SP110: variants seen among roughly 807,000 people sequenced by gnomAD.
The protein encoded by SP110 is interferon-induced protein 41, 30kD.
Under a neutral mutation model 92.7 loss-of-function variants are expected in SP110, and 62 were observed. The observed-to-expected ratio is 0.67, with a 90% CI of 0.55 to 0.83. SP110 has a LOEUF of 0.83. Ranked by LOEUF, SP110 falls within the 40% of genes least tolerant of loss-of-function variation. SP110 has a pLI of 0.00. For synonymous variants in SP110, 273 were observed against 305.3 expected (o/e 0.89, Z 1.10); for missense variants, 793 against 863.9 (o/e 0.92, Z 1.03).
intron 6 of SP110, among the ~76,000 whole-genome samples, chr2:230,210,425 T>A (rs148855168): frequency 6.6e-6 from 1 of 152,346 alleles, no homozygotes; most frequent in African/African-American, 2.4e-5. Context: ...TGAAATCTGA[T>A]GTCCATGATG....
In SP110 at chr2:230,170,707, C is replaced by A. The variant is rs1408652333; in HGVS notation, c.1942G>T (p.Glu648Ter). 6.2e-7 allele frequency: 1 copy of A among 1,614,138 alleles called. No individual in the cohort carries two copies. Among genetic ancestry groups the A allele is most frequent in the Non-Finnish European group, 8.5e-7 (1 of 1,180,022 alleles). ...QEAMWLDLVK[E>*]RLITEMYTVA... ...GTGTACATTTCCGTAATCAGCCTTTCCTTAACCAGGTCCAACCACATTGCT... is the reference window on the plus strand; with the variant it reads ...GTGTACATTTCCGTAATCAGCCTTTACTTAACCAGGTCCAACCACATTGCT... Residue 648 changes from glutamate (E) to a stop codon, truncating the protein, a stop_gained, in exon 18 of 19, where the codon GAA (glutamate) becomes TAA (stop). Transcript: ENST00000258381. LOFTEE classifies it high-confidence loss of function.
In SP110 at chr2:230,216,765, G is replaced by A. The variant is rs1351806088; in HGVS notation, c.147+16C>T. 4 of 1,613,386 alleles carry A rather than the reference G, an allele frequency of 2.5e-6. No homozygotes were observed. The highest frequency in any genetic ancestry group is 1.7e-4 in the Middle Eastern group (1 of 5,924). On this transcript the variant is annotated intron_variant, in intron 2 of 18. Coordinates refer to ENST00000258381, the MANE Select transcript of SP110 (RefSeq NM_080424.4). ...GTGGGGGCTGGGCTGCCATGGAAGGGTTCAACATGACTCACCATGTACATT... is the reference window on the plus strand; with the variant it reads ...GTGGGGGCTGGGCTGCCATGGAAGGATTCAACATGACTCACCATGTACATT...
At chr2:230,200,449 A>T (rs999614709) in intron 10 of SP110, 1 of 186,220 alleles carries the variant, frequency 5.4e-6, no homozygotes, top group Non-Finnish European at 1.1e-5. Flanking sequence ...TTCGCTTCTC[A>T]ATTTTCTCAG....
At chr2:230,209,303 C>CAG (rs2148903525) in intron 7 of SP110, among the ~76,000 whole-genome samples, 1 of 151,716 alleles carries the variant, frequency 6.6e-6, no homozygotes, top group South Asian at 2.1e-4. Context: ...TTTGAGGGGC[C>CAG]AGAGTATTGG....
At chr2:230,209,067 T>A (rs1333927611) in intron 7 of SP110, among the ~76,000 whole-genome samples, 3 of 152,228 alleles carry the variant, frequency 2.0e-5, no homozygotes, top group African/African-American at 7.2e-5. Context: ...ATATTTTTGA[T>A]TCTTTTTCTT....
chr2:230,208,937 C>G (rs1309867998), intron 7 of SP110, among the ~76,000 whole-genome samples: 1 of 152,058 alleles, frequency 6.6e-6, no homozygotes, highest in Non-Finnish European at 1.5e-5. Flanking sequence ...TGTTAAAAAG[C>G]TGGGAAGCAA....
chr2:230,195,884 T>TG (rs2042849454), intron 10 of SP110, among the ~76,000 whole-genome samples: 3 of 151,990 alleles, frequency 2.0e-5, no homozygotes, highest in Admixed American at 6.5e-5. Context: ...AAGGTTAATA[T>TG]CCTTATTAGA....
intron 2 of SP110, 75 bp from the exon 3 acceptor site, chr2:230,215,193 A>C: frequency 8.2e-7 from 1 of 1,223,470 alleles, no homozygotes. Context: ...TGGTTTTCTA[A>C]GTTTTAAGAA....
chr2:230,206,169 G>A lies in SP110; in HGVS notation c.898+1822C>T, dbSNP rs77027372. 6.4e-3 allele frequency among the ~76,000 whole-genome samples: 969 copies of A among 152,240 alleles called. 6 individuals are homozygous for A. Among genetic ancestry groups the A allele is most frequent in the Non-Finnish European group, 0.011 (775 of 68,000 alleles). On this transcript the variant is annotated intron_variant, in intron 8 of 18. Transcript: ENST00000258381. The stretch of plus-strand genomic sequence containing the variant: ...GAGGAGCTTTAAGCCACTGGCTTAG[G>A]CTGCCATCTATTGCTCTGTTTCCTT...
At chr2:230,178,836 G>A (rs1289654216) in intron 12 of SP110, among the ~76,000 whole-genome samples, 1 of 152,200 alleles carries the variant, frequency 6.6e-6, no homozygotes, top group Non-Finnish European at 1.5e-5. Flanking sequence ...TGGCAACTCA[G>A]AACCCCTGGG....
Position 230,185,877 on chromosome 2 carries a change from T to G in SP110, c.1279+117A>C, listed in dbSNP as rs41563112. On this transcript the variant is annotated intron_variant, in intron 11 of 18. Coordinates refer to ENST00000258381, the MANE Select transcript of SP110 (RefSeq NM_080424.4). ...CGTGCTCTGTCTTCATGTCCCTCTT[T>G]TCTGTACGTCTCCCTCCTTCTACTA... 6,809 of 915,926 alleles carry G rather than the reference T, an allele frequency of 7.4e-3. 287 individuals carry two copies. The African/African-American group carries it at 0.096, about 13-fold the overall frequency. 56.7% of individuals were successfully genotyped at this position (915,926 alleles called of 1,614,324 possible). A position where few individuals can be genotyped will look rare whatever the true frequency, so the allele number is the denominator to read the frequency against.
At chr2:230,209,860 T>TA in intron 7 of SP110, 71 bp downstream of exon 7, 2 of 893,584 alleles carry the variant, frequency 2.2e-6, no homozygotes, top group Non-Finnish European at 3.8e-6. Flanking sequence ...CTTGACAAGA[T>TA]ACAGTCAGAA....
Position 230,172,112 on chromosome 2 carries a change from T to C in SP110, c.1769A>G (p.His590Arg), listed in dbSNP as rs1226381348. Reference sequence around the variant, plus strand: ...CTGCCTCTCCAGGGTCTTAGATACATGATGGCACTGTTGGCTTCCTGAAGA... The same window carrying C: ...CTGCCTCTCCAGGGTCTTAGATACACGATGGCACTGTTGGCTTCCTGAAGA... Reference protein sequence around the residue: ...KRSSGSQQCHHVSKTLERQMQ... With the variant: ...KRSSGSQQCHRVSKTLERQMQ... The change falls in exon 16 of 19, where the codon CAT becomes CGT. Residue 590 changes from histidine (H) to arginine (R), a missense_variant. Coordinates refer to ENST00000258381, the MANE Select transcript of SP110 (RefSeq NM_080424.4). 1 of 1,613,740 alleles carries C rather than the reference T, an allele frequency of 6.2e-7. No homozygotes were observed. Among genetic ancestry groups the C allele is most frequent in the East Asian group, 2.2e-5 (1 of 44,884 alleles).
intron 3 of SP110, chr2:230,214,216 T>C (rs1010315007): frequency 1.3e-5 from 2 of 152,342 alleles, no homozygotes; most frequent in Non-Finnish European, 2.9e-5. Context: ...TCTCTTTTCT[T>C]TCTCTACGTA....
At chr2:230,223,863 C>T (rs1257183984), upstream of SP110, among the ~76,000 whole-genome samples, 1 of 152,096 alleles carries the variant, frequency 6.6e-6, no homozygotes, top group Non-Finnish European at 1.5e-5. Flanking sequence ...ATTGATTTAC[C>T]TTTGGGGATT....
At chr2:230,189,272 G>A (rs1474041550) in intron 10 of SP110, among the ~76,000 whole-genome samples, 2 of 151,780 alleles carry the variant, frequency 1.3e-5, no homozygotes, top group African/African-American at 4.8e-5. Context: ...ATGACATTAG[G>A]TTGTCAATTT....
At chr2:230,180,160 G>A (rs935964154) in intron 12 of SP110, among the ~76,000 whole-genome samples, 1 of 152,204 alleles carries the variant, frequency 6.6e-6, no homozygotes, top group Non-Finnish European at 1.5e-5. Context: ...AAACAATGAG[G>A]AGCCTGCTGT....
intron 14 of SP110, chr2:230,176,565 A>G: frequency 6.2e-7 from 1 of 1,609,078 alleles, no homozygotes; most frequent in Non-Finnish European, 8.5e-7. Context: ...TGCCATGCCC[A>G]AATGTGGAGG....
chr2:230,186,214 A>G, intron 10 of SP110, 71 bp from the exon 11 acceptor site: 1 of 1,445,550 alleles, frequency 6.9e-7, no homozygotes, highest in Non-Finnish European at 9.7e-7. Context: ...CCCTTTCAGG[A>G]GTTATCTTGC....
Sources: gnomAD v4.1 joint callset for allele counts (sites outside exome capture counted in the v4.1 genomes callset) on GRCh38, gnomAD v4.1.1 for gene constraint, MANE v1.5 for transcripts, NCBI Gene and HGNC (gene_info 2026-07-23, HGNC 2026-07-21) for gene names.